MTA3: variants seen among roughly 807,000 people sequenced by gnomAD.
MTA3 encodes the protein metastasis associated 1 family member 3.
A neutral mutation model predicts 83.5 loss-of-function variants in MTA3; 34 were observed. That is an observed-to-expected ratio of 0.41 (90% CI 0.31 to 0.54). MTA3 has a LOEUF of 0.54. MTA3 is among the 20% of genes least tolerant of loss of function. The pLI is 0.33. For synonymous variants in MTA3, 303 were observed against 252.7 expected (o/e 1.20, Z -1.89); for missense variants, 761 against 726.4 (o/e 1.05, Z -0.55).
intron 2 of MTA3, among the ~76,000 whole-genome samples, chr2:42,577,295 A>G (rs1679167828): frequency 1.3e-5 from 2 of 151,766 alleles, no homozygotes; most frequent in East Asian, 1.9e-4. Flanking sequence ...GGGAAGAGGA[A>G]TATGGTAGCT....
intron 2 of MTA3, among the ~76,000 whole-genome samples, chr2:42,505,576 G>A (rs987411966): frequency 3.3e-5 from 5 of 151,670 alleles, no homozygotes; most frequent in African/African-American, 1.2e-4. Context: ...AACCAGTTAG[G>A]TGATGCCAGA....
chr2:42,665,032 C>T (rs1690101425), intron 8 of MTA3, among the ~76,000 whole-genome samples: 1 of 152,168 alleles, frequency 6.6e-6, no homozygotes, highest in Non-Finnish European at 1.5e-5. Flanking sequence ...TGTTAAAAAA[C>T]ATTGAAGCCA....
intron 2 of MTA3, among the ~76,000 whole-genome samples, chr2:42,528,247 G>C (rs1675807622): frequency 7.1e-6 from 1 of 140,006 alleles, no homozygotes; most frequent in African/African-American, 2.7e-5. Context: ...TGGAAATAGA[G>C]TCTTGCTCTG....
At chr2:42,621,408 A>T (rs1252970011) in intron 4 of MTA3, among the ~76,000 whole-genome samples, 1 of 152,208 alleles carries the variant, frequency 6.6e-6, no homozygotes, top group Non-Finnish European at 1.5e-5. Flanking sequence ...TTTAACCCTG[A>T]GTGGACACAG....
chr2:42,627,102 G>A (rs1034949224), intron 4 of MTA3, among the ~76,000 whole-genome samples: 1 of 151,964 alleles, frequency 6.6e-6, no homozygotes, highest in Non-Finnish European at 1.5e-5. Context: ...TTTAGCACAG[G>A]ATTTCTCTCT....
intron 3 of MTA3, 120 bp downstream of exon 3, chr2:42,579,320 T>C: frequency 1.4e-6 from 1 of 691,978 alleles, no homozygotes; most frequent in Middle Eastern, 2.8e-4. Flanking sequence ...CTTTGTAGTT[T>C]TGATGGGAGT....
chr2:42,648,356 C>A (rs1688409828), intron 6 of MTA3, among the ~76,000 whole-genome samples: 1 of 152,174 alleles, frequency 6.6e-6, no homozygotes, highest in African/African-American at 2.4e-5. Context: ...CTTCCTAACC[C>A]TTTTAGTACT....
intron 3 of MTA3, among the ~76,000 whole-genome samples, chr2:42,598,521 T>C (rs1682129479): frequency 6.6e-6 from 1 of 152,244 alleles, no homozygotes; most frequent in South Asian, 2.1e-4. Flanking sequence ...TATTTTTTGG[T>C]TGAGTCCTTG....
At chr2:42,726,339 G>C (rs905240651) in intron 16 of MTA3, among the ~76,000 whole-genome samples, 5 of 151,634 alleles carry the variant, frequency 3.3e-5, no homozygotes, top group African/African-American at 1.2e-4. Context: ...TGCATTGCAG[G>C]TTCTTTTTTT....
chr2:42,621,372 G>A (rs1685523354), intron 4 of MTA3, among the ~76,000 whole-genome samples: 1 of 152,084 alleles, frequency 6.6e-6, no homozygotes, highest in Admixed American at 6.6e-5. Context: ...GTTTAACAAA[G>A]CACATCTTGC....
chr2:42,605,075 G>T (rs1461941603), intron 3 of MTA3, among the ~76,000 whole-genome samples: 1 of 150,828 alleles, frequency 6.6e-6, no homozygotes, highest in African/African-American at 2.4e-5. Context: ...TGTCATCCTG[G>T]CCCGTTCTCA....
chr2:42,725,847 T>C (rs1667770130), intron 16 of MTA3, among the ~76,000 whole-genome samples: 1 of 152,116 alleles, frequency 6.6e-6, no homozygotes, highest in South Asian at 2.1e-4. Flanking sequence ...GAAGTGTGCT[T>C]GTAGAGTCCC....
intron 2 of MTA3, among the ~76,000 whole-genome samples, chr2:42,529,459 T>G (rs1675860024): frequency 6.6e-6 from 1 of 152,186 alleles, no homozygotes; most frequent in African/African-American, 2.4e-5. Context: ...CACCTACTGT[T>G]TAAGCAACTG....
At chr2:42,591,490 A>C (rs1360049913) in intron 3 of MTA3, among the ~76,000 whole-genome samples, 2 of 152,184 alleles carry the variant, frequency 1.3e-5, no homozygotes, top group Non-Finnish European at 1.5e-5. Context: ...AACCCAATTT[A>C]TTATAACTTT....
chr2:42,559,244 G>A (rs891044575), intron 2 of MTA3, among the ~76,000 whole-genome samples: 17 of 152,186 alleles, frequency 1.1e-4, no homozygotes, highest in Admixed American at 2.6e-4. Context: ...GCTCACGCCT[G>A]TAATCCCAGC....
intron 2 of MTA3, among the ~76,000 whole-genome samples, chr2:42,509,695 TG>T (rs1386437199): frequency 6.6e-6 from 1 of 151,678 alleles, no homozygotes; most frequent in Non-Finnish European, 1.5e-5. Context: ...CAATTAAGCC[TG>T]GGGGGTTGAG....
At chr2:42,546,503 T>TC (rs35777848) in intron 2 of MTA3, among the ~76,000 whole-genome samples, 54,572 of 151,876 alleles carry the variant, frequency 0.36, 9,898 homozygotes, top group South Asian at 0.41. Context: ...TCATCCTTTT[T>TC]CTAATCAAAC....
intron 1 of MTA3, chr2:42,569,396 G>A (rs1573000820): frequency 1.3e-5 from 2 of 152,382 alleles, no homozygotes; most frequent in East Asian, 3.9e-4. Flanking sequence ...TTGCTCTGCT[G>A]CCTGCCTCCT....
chr2:42,581,605 A>C (rs545321596), intron 3 of MTA3, among the ~76,000 whole-genome samples: 6 of 151,478 alleles, frequency 4.0e-5, no homozygotes, highest in Admixed American at 2.6e-4. Context: ...TGGGTCTCAA[A>C]CTATTGGCCT....
Sources: gnomAD v4.1 joint callset for allele counts (sites outside exome capture counted in the v4.1 genomes callset) on GRCh38, gnomAD v4.1.1 for gene constraint, MANE v1.5 for transcripts, NCBI Gene and HGNC (gene_info 2026-07-23, HGNC 2026-07-21) for gene names.